SIM1: variants seen among roughly 807,000 people sequenced by gnomAD.
SIM1 encodes single-minded homolog 1.
SIM1 carries 18 observed loss-of-function variants against 78.2 expected under a neutral mutation model. The observed-to-expected ratio is 0.23, with a 90% CI of 0.16 to 0.34. SIM1 has a LOEUF of 0.34. Ranked by LOEUF, SIM1 falls within the 10% of genes least tolerant of loss-of-function variation. SIM1 has a pLI of 1.00. For missense variants in SIM1, 939 were observed against 975.1 expected, an observed-to-expected ratio of 0.96 and a Z score of 0.49; for synonymous variants, 417 against 385.2, an observed-to-expected ratio of 1.08 and a Z score of -0.97.
Position 100,389,313 on chromosome 6 carries a change from GC to G in SIM1, c.*1047del, listed in dbSNP as rs1218611996. 4 of 300,090 alleles carry G rather than the reference GC, an allele frequency of 1.3e-5. No individual in the cohort carries two copies. The highest frequency in any genetic ancestry group is 4.3e-5 in the African/African-American group (2 of 46,504). The allele number at this position is 300,090 out of a possible 1,614,324, so 18.6% of individuals were successfully genotyped here. ...CTTTTATCTTAGACTCTCTCCTGAG[GC>G]TTTCCACATGTTGTCACATTGGCAC... On this transcript the variant is annotated 3_prime_UTR_variant, in exon 12 of 12. Coordinates refer to ENST00000369208, the MANE Select transcript of SIM1 (RefSeq NM_005068.3).
chr6:100,398,317 C>G (rs1226909218), intron 10 of SIM1, among the ~76,000 whole-genome samples: 1 of 152,058 alleles, frequency 6.6e-6, no homozygotes, highest in Non-Finnish European at 1.5e-5. Context: ...TTTAAGTATA[C>G]AGTTCAGTGG....
intron 9 of SIM1, among the ~76,000 whole-genome samples, chr6:100,422,140 G>T (rs1335165297): frequency 6.6e-6 from 1 of 151,984 alleles, no homozygotes; most frequent in Non-Finnish European, 1.5e-5. Flanking sequence ...TCTCTAATGG[G>T]TTTGCCTTTT....
chr6:100,453,988 G>C, intron 2 of SIM1, 144 bp from the exon 3 acceptor site: 1 of 534,358 alleles, frequency 1.9e-6, no homozygotes, highest in Non-Finnish European at 3.3e-6. Context: ...GACAGCGGGG[G>C]ATGGGAGCGT....
At chr6:100,421,684 A>C (rs1771591970) in intron 9 of SIM1, among the ~76,000 whole-genome samples, 1 of 152,182 alleles carries the variant, frequency 6.6e-6, no homozygotes, top group South Asian at 2.1e-4. Context: ...TTATCTTAGG[A>C]AGCTCATTGC....
At chr6:100,451,882 G>A (rs1038643755) in intron 3 of SIM1, among the ~76,000 whole-genome samples, 2 of 152,186 alleles carry the variant, frequency 1.3e-5, no homozygotes, top group Non-Finnish European at 2.9e-5. Context: ...CCATTTAGAT[G>A]TGTCCAGTTT....
intron 10 of SIM1, among the ~76,000 whole-genome samples, chr6:100,409,064 G>T (rs1771126692): frequency 6.6e-6 from 1 of 151,994 alleles, no homozygotes; most frequent in Non-Finnish European, 1.5e-5. Flanking sequence ...GGGTTTTGAT[G>T]ATTGATTTAA....
At chr6:100,424,864 CA>C (rs1407938863) in intron 9 of SIM1, among the ~76,000 whole-genome samples, 17 of 152,140 alleles carry the variant, frequency 1.1e-4, no homozygotes, top group Non-Finnish European at 1.8e-4. Flanking sequence ...CAATTTTTGG[CA>C]CCTGCTTTCC....
chr6:100,453,659 G>GC, intron 3 of SIM1, 103 bp downstream of exon 3: 4 of 784,432 alleles, frequency 5.1e-6, no homozygotes, highest in Non-Finnish European at 7.7e-6. Flanking sequence ...GGGGTTGTTT[G>GC]TTTTTTTTTT....
chr6:100,420,955 GTC>G lies in SIM1; in HGVS notation c.1000_1001del (p.Asp334HisfsTer32). On this transcript the variant is annotated frameshift_variant and splice_region_variant, in exon 10 of 12. Transcript: ENST00000369208. LOFTEE classifies it high-confidence loss of function. ...CIVSVNYVLT[D>X]TEYKGLQLSL... ...AGAGCTGCAGCCCTTTGTATTCTGT[GTC>G]TCTGCAGGGTGGGAGGACAAAGCCC... 1 of 1,612,988 alleles carries G rather than the reference GTC, an allele frequency of 6.2e-7. No homozygotes were observed. Among genetic ancestry groups the G allele is most frequent in the Non-Finnish European group, 8.5e-7 (1 of 1,179,626 alleles).
intron 10 of SIM1, among the ~76,000 whole-genome samples, chr6:100,412,603 GAAAGAAA>G (rs1771236911): frequency 1.1e-5 from 1 of 91,854 alleles, no homozygotes; most frequent in Non-Finnish European, 2.2e-5. Flanking sequence ...AAGAAAGAAA[GAAAGAAA>G]GGAAAGAAAG....
chr6:100,454,265 C>T (rs910008477), intron 2 of SIM1, among the ~76,000 whole-genome samples: 1 of 152,210 alleles, frequency 6.6e-6, no homozygotes, highest in Non-Finnish European at 1.5e-5. Context: ...AAGCGAAAGC[C>T]ACTGCCAGCC....
chr6:100,461,869 G>T (rs575166901), intron 2 of SIM1, among the ~76,000 whole-genome samples: 1 of 96,738 alleles, frequency 1.0e-5, no homozygotes. Context: ...TTAATTTTCA[G>T]GTACTTTAGG....
At chr6:100,413,396 C>A (rs1229916692) in intron 10 of SIM1, among the ~76,000 whole-genome samples, 1 of 152,168 alleles carries the variant, frequency 6.6e-6, no homozygotes, top group Admixed American at 6.5e-5. Context: ...ATCTTTACTG[C>A]CCCAAAATGT....
intron 9 of SIM1, among the ~76,000 whole-genome samples, chr6:100,440,381 T>C (rs1772177289): frequency 1.3e-5 from 2 of 152,198 alleles, no homozygotes; most frequent in South Asian, 4.1e-4. Flanking sequence ...AAAATGATAC[T>C]GTGGGTCTTT....
intron 10 of SIM1, among the ~76,000 whole-genome samples, chr6:100,405,924 G>C (rs1168974704): frequency 5.3e-5 from 8 of 152,184 alleles, no homozygotes; most frequent in Non-Finnish European, 1.0e-4. Context: ...ATTCCATATG[G>C]AGAGAGTCGT....
At position 100,390,501 on chromosome 6, in the gene SIM1, A is replaced by G; in HGVS notation, c.2161T>C (p.Leu721=). ...TTTCTAATGGTTTCGCTGTCATATA[A>G]GTGCTCCAGGGCATATCCAGTTAAT... is the stretch of plus-strand genomic sequence containing the variant. ...YTLTGYALEH[L]YDSETIRNYS... is the part of the protein sequence containing the mutation. The change falls in exon 12 of 12, where the codon TTA becomes CTA. Residue 721 remains leucine (L), a synonymous_variant. Coordinates refer to ENST00000369208, the MANE Select transcript of SIM1 (RefSeq NM_005068.3). 6.2e-7 allele frequency: 1 copy of G among 1,614,190 alleles called. No individual in the cohort carries two copies. The highest frequency in any genetic ancestry group is 8.5e-7 in the Non-Finnish European group (1 of 1,180,032).
chr6:100,390,294 G>A lies in SIM1; in HGVS notation c.*67C>T. On this transcript the variant is annotated 3_prime_UTR_variant, in exon 12 of 12. Transcript: ENST00000369208. ...ACAATCTGTGGCATAGTAAATGCTGGTAATGGGGTATTAAACTATAAATAT... is the reference window on the plus strand; with the variant it reads ...ACAATCTGTGGCATAGTAAATGCTGATAATGGGGTATTAAACTATAAATAT... 1 of 1,505,454 alleles carries A rather than the reference G, an allele frequency of 6.6e-7. No homozygotes were observed. The highest frequency in any genetic ancestry group is 9.0e-7 in the Non-Finnish European group (1 of 1,111,848). The allele number at this position is 1,505,454 out of a possible 1,614,324, so 93.3% of individuals were successfully genotyped here. A position where few individuals can be genotyped will look rare whatever the true frequency, so the allele number is the denominator to read the frequency against.
At chr6:100,420,667 T>C in intron 10 of SIM1, 123 bp downstream of exon 10, 1 of 901,718 alleles carries the variant, frequency 1.1e-6, no homozygotes, top group South Asian at 1.7e-5. Flanking sequence ...ACCTTCCAGA[T>C]TTATAGAAGT....
chr6:100,421,526 T>C (rs1771586611), intron 9 of SIM1, among the ~76,000 whole-genome samples: 1 of 152,186 alleles, frequency 6.6e-6, no homozygotes, highest in African/African-American at 2.4e-5. Context: ...GTTCCTAATA[T>C]ACACCAGACT....
Sources: gnomAD v4.1 joint callset for allele counts (sites outside exome capture counted in the v4.1 genomes callset) on GRCh38, gnomAD v4.1.1 for gene constraint, MANE v1.5 for transcripts, NCBI Gene and HGNC (gene_info 2026-07-23, HGNC 2026-07-21) for gene names.